The following ADAM23 variants were observed in gnomAD, a reference collection of about 807,000 sequenced individuals.
ADAM23 encodes the protein ADAM metallopeptidase domain 23.
In ADAM23, 33 loss-of-function variants were observed where a neutral mutation model predicts 120.1. That is an observed-to-expected ratio of 0.27 (90% confidence interval 0.21 to 0.37). The LOEUF (loss-of-function observed/expected upper bound fraction) is 0.37. Ranked by LOEUF, ADAM23 falls within the 10% of genes least tolerant of loss-of-function variation. The probability of loss-of-function intolerance (pLI) is 1.00; values close to 1 mark genes in which losing one functional copy is unlikely to be tolerated. For synonymous variants in ADAM23, 367 were observed against 375.2 expected, an observed-to-expected ratio of 0.98 and a Z score of 0.25; for missense variants, 862 against 1,058.2, an observed-to-expected ratio of 0.81 and a Z score of 2.57.
At chr2:206,449,864 ACGATG>A (rs1695156917) in intron 2 of ADAM23, among the ~76,000 whole-genome samples, 1 of 152,156 alleles carries the variant, frequency 6.6e-6, no homozygotes. Flanking sequence ...GTGGAGATGC[ACGATG>A]CATAGCACCG....
rs758501499 is a variant in ADAM23 at position 206,596,115 on chromosome 2, G to A, written c.2312G>A (p.Arg771Gln). Residue 771 changes from arginine to glutamine, a missense_variant, in exon 24 of 26, where the codon CGG becomes CAG. Around this residue, in one of 4 missense-constraint regions of ADAM23, gnomAD observed 617 missense variants for 813.5 expected, o/e 0.76. Transcript: ENST00000264377. Reference sequence around the variant, plus strand: ...TGGGCAGGGACAGATTGCAGTATCCGGGATCCAGTTAGGAACCTTCACCCC... The same window carrying A: ...TGGGCAGGGACAGATTGCAGTATCCAGGATCCAGTTAGGAACCTTCACCCC... ...FTWAGTDCSI[R>Q]DPVRNLHPPK... 1.2e-5 allele frequency: 20 copies of A among 1,613,896 alleles called. No homozygotes were observed. Among genetic ancestry groups the A allele is most frequent in the Admixed American group, 1.7e-5 (1 of 59,988 alleles).
chr2:206,465,170 C>T (rs1049395932), intron 2 of ADAM23, among the ~76,000 whole-genome samples: 3 of 152,154 alleles, frequency 2.0e-5, no homozygotes, highest in Non-Finnish European at 1.5e-5. Flanking sequence ...TCTTGCGTAG[C>T]TAGGACTGTA....
At chr2:206,586,505 A>G (rs1342700589) in intron 18 of ADAM23, among the ~76,000 whole-genome samples, 1 of 152,160 alleles carries the variant, frequency 6.6e-6, no homozygotes, top group Non-Finnish European at 1.5e-5. Flanking sequence ...CTTTGGCTTG[A>G]ACAATTGGAA....
Position 206,515,496 on chromosome 2 carries a change from A to AG in ADAM23, c.510-15389_510-15388insG, listed in dbSNP as rs1460326398. Among the ~76,000 whole-genome samples the AG allele has an allele frequency of 2.0e-5, 3 of 152,236 alleles. No individual in the cohort carries two copies. In the East Asian group the frequency reaches 5.8e-4, roughly 29 times the overall value. Reference sequence around the variant, plus strand: ...CTCCTGTGTCCTTCCATAGAAAAAAACAGTGTGGGGAAGGATTTGGTTTGT... The same window carrying AG: ...CTCCTGTGTCCTTCCATAGAAAAAAAGCAGTGTGGGGAAGGATTTGGTTTGT... On this transcript the variant is annotated intron_variant, in intron 3 of 25. Transcript: ENST00000264377.
intron 25 of ADAM23, among the ~76,000 whole-genome samples, chr2:206,612,539 A>G (rs1380913762): frequency 6.6e-6 from 1 of 152,232 alleles, no homozygotes; most frequent in East Asian, 1.9e-4. Flanking sequence ...ATTTGAGGGC[A>G]TGTCAACTTT....
intron 3 of ADAM23, among the ~76,000 whole-genome samples, chr2:206,513,823 C>T (rs115497526): frequency 0.01 from 1,580 of 152,286 alleles, 15 homozygotes; most frequent in Non-Finnish European, 0.016. Context: ...AGCCAGTGCT[C>T]ATTTAGCATT....
intron 3 of ADAM23, among the ~76,000 whole-genome samples, chr2:206,526,487 A>C (rs1435017960): frequency 6.6e-6 from 1 of 152,184 alleles, no homozygotes; most frequent in Admixed American, 6.5e-5. Flanking sequence ...TCTCCAAATC[A>C]TGATGAAAGG....
intron 10 of ADAM23, among the ~76,000 whole-genome samples, chr2:206,559,298 T>C (rs1697711116): frequency 6.6e-6 from 1 of 152,152 alleles, no homozygotes; most frequent in South Asian, 2.1e-4. Flanking sequence ...TTCATTGAAG[T>C]TGCTTAATTG....
intron 4 of ADAM23, among the ~76,000 whole-genome samples, chr2:206,537,717 A>G (rs1214942080): frequency 1.3e-5 from 2 of 152,172 alleles, no homozygotes; most frequent in Admixed American, 6.5e-5. Flanking sequence ...GAGATAACTT[A>G]AAGTTTGTAT....
In ADAM23 at chr2:206,489,757, C is replaced by T. The variant is rs998436225; in HGVS notation, c.509+8449C>T. ...GCTGTCTGCTTGGAGTCTCCTTCAC[C>T]GTGGCTGCTGTGGTCACAGCACTGG... On this transcript the variant is annotated intron_variant, in intron 3 of 25. Transcript: ENST00000264377. Among the ~76,000 whole-genome samples, 13 of 152,140 alleles carry T rather than the reference C, an allele frequency of 8.5e-5. No homozygotes were observed. In the South Asian group the frequency reaches 1.2e-3, roughly 15 times the overall value.
intron 21 of ADAM23, among the ~76,000 whole-genome samples, chr2:206,590,796 A>G (rs781096582): frequency 5.3e-5 from 8 of 152,208 alleles, no homozygotes; most frequent in Non-Finnish European, 1.0e-4. Context: ...GTCAGGGGAT[A>G]GGAGCAAGGG....
At chr2:206,464,083 A>G (rs150091994) in intron 2 of ADAM23, among the ~76,000 whole-genome samples, 4 of 152,274 alleles carry the variant, frequency 2.6e-5, no homozygotes, top group African/African-American at 9.6e-5. Context: ...ATATGAGCTC[A>G]TTTGACAGAT....
chr2:206,468,606 C>G (rs942502343), intron 2 of ADAM23, among the ~76,000 whole-genome samples: 1 of 152,164 alleles, frequency 6.6e-6, no homozygotes, highest in Non-Finnish European at 1.5e-5. Context: ...CTAGGAAGTT[C>G]CAAATGTTCC....
Position 206,486,021 on chromosome 2 carries a change from G to A in ADAM23, c.509+4713G>A, listed in dbSNP as rs149766988. ...AGGGCAGAGGCCATTATGCAGTGCA[G>A]GGCAGGGGATAGTGGGAGAACGAGG... On this transcript the variant is annotated intron_variant, in intron 3 of 25. Transcript: ENST00000264377. 1.4e-4 allele frequency among the ~76,000 whole-genome samples: 21 copies of A among 152,340 alleles called. No individual in the cohort carries two copies. The East Asian group carries it at 3.1e-3, about 22-fold the overall frequency.
chr2:206,494,963 G>T (rs998395131), intron 3 of ADAM23, among the ~76,000 whole-genome samples: 1 of 152,146 alleles, frequency 6.6e-6, no homozygotes, highest in Non-Finnish European at 1.5e-5. Context: ...AGAATAAAAA[G>T]AAACGAACAA....
chr2:206,579,960 T>TG (rs1698190613), intron 18 of ADAM23, among the ~76,000 whole-genome samples: 6 of 144,256 alleles, frequency 4.2e-5, no homozygotes, highest in Admixed American at 1.4e-4. Flanking sequence ...TTCCTAAGTA[T>TG]TTTTTTTTTT....
intron 2 of ADAM23, among the ~76,000 whole-genome samples, chr2:206,456,448 G>A (rs745916793): frequency 2.0e-5 from 3 of 152,074 alleles, no homozygotes; most frequent in Non-Finnish European, 4.4e-5. Flanking sequence ...ACCCTGGACT[G>A]GTGACTATGA....
At chr2:206,496,507 T>C (rs1488774187) in intron 3 of ADAM23, among the ~76,000 whole-genome samples, 1 of 151,916 alleles carries the variant, frequency 6.6e-6, no homozygotes, top group Non-Finnish European at 1.5e-5. Flanking sequence ...AAGCAGTGTG[T>C]AGAGGGAAAT....
chr2:206,554,857 T>C (rs1697609607), intron 9 of ADAM23, among the ~76,000 whole-genome samples: 1 of 152,184 alleles, frequency 6.6e-6, no homozygotes, highest in Non-Finnish European at 1.5e-5. Flanking sequence ...CTAGTGGTCA[T>C]TGTTCTGTCC....
Sources: allele counts gnomAD v4.1 joint callset (sites outside exome capture counted in the v4.1 genomes callset), GRCh38; gene constraint gnomAD v4.1.1; regional missense constraint gnomAD v4.1.1; transcripts MANE v1.5; gene names NCBI Gene and HGNC (gene_info 2026-07-23, HGNC 2026-07-21).